The following BTBD9 variants were observed in gnomAD, a reference collection of about 807,000 sequenced individuals.
The protein encoded by BTBD9 is BTB domain containing 9, also known as BTB/POZ domain-containing protein 9.
In BTBD9, 49 loss-of-function variants were observed where a neutral mutation model predicts 64.3. That is an observed-to-expected ratio of 0.76 (90% CI 0.61 to 0.97). BTBD9 has a LOEUF of 0.97. Among genes scored for constraint, BTBD9 ranks in the 50% least tolerant of loss-of-function variants. The pLI is 0.00. For synonymous variants in BTBD9, 260 were observed against 274.7 expected, an observed-to-expected ratio of 0.95 and a Z score of 0.53; for missense variants, 598 against 762.1, an observed-to-expected ratio of 0.78 and a Z score of 2.53.
rs74756209 is a variant in BTBD9 at position 38,333,569 on chromosome 6, C to A, written c.1264+11415G>T. 4.0e-3 allele frequency among the ~76,000 whole-genome samples: 611 copies of A among 152,176 alleles called. 6 individuals carry two copies. The highest frequency in any genetic ancestry group is 0.031 in the East Asian group (162 of 5,166). On this transcript the variant is annotated intron_variant, in intron 7 of 10. Coordinates refer to ENST00000481247, the MANE Select transcript of BTBD9 (RefSeq NM_001099272.2). ...TTTCATGATACAGTTCTCACAAGAT[C>A]TGGTTGTCTGAAAGTGTGTAGCACC...
At position 38,338,637 on chromosome 6, in the gene BTBD9, G is replaced by C. The variant is rs766806611; in HGVS notation, c.1264+6347C>G. On this transcript the variant is annotated intron_variant, in intron 7 of 10. Coordinates refer to ENST00000481247, the MANE Select transcript of BTBD9 (RefSeq NM_001099272.2). ...GGTAGAACCAGGGACAAGGATGAGA[G>C]GGACATATGAGAACTTCTATTTTCC... is the stretch of plus-strand genomic sequence containing the variant. Among the ~76,000 whole-genome samples, 54 of 152,110 alleles carry C rather than the reference G, an allele frequency of 3.6e-4. 1 individual carries two copies. The highest frequency in any genetic ancestry group is 3.8e-4 in the Non-Finnish European group (26 of 67,992).
chr6:38,242,974 G>A (rs1008585919), intron 9 of BTBD9, among the ~76,000 whole-genome samples: 1 of 152,202 alleles, frequency 6.6e-6, no homozygotes, highest in African/African-American at 2.4e-5. Flanking sequence ...TTCACATAAT[G>A]GAGCAGTCAC....
chr6:38,369,651 G>C (rs1316847738), intron 6 of BTBD9, among the ~76,000 whole-genome samples: 1 of 152,232 alleles, frequency 6.6e-6, no homozygotes, highest in Non-Finnish European at 1.5e-5. Context: ...AAGAGAGATA[G>C]GTAAGGAGGG....
intron 6 of BTBD9, among the ~76,000 whole-genome samples, chr6:38,459,878 C>T (rs1020122271): frequency 6.6e-6 from 1 of 152,138 alleles, no homozygotes; most frequent in Admixed American, 6.5e-5. Flanking sequence ...TTTAAAAGAG[C>T]CATTTTATTT....
chr6:38,465,356 G>A (rs997123760), intron 6 of BTBD9, among the ~76,000 whole-genome samples: 4 of 150,588 alleles, frequency 2.7e-5, no homozygotes, highest in Non-Finnish European at 4.4e-5. Flanking sequence ...GGTGGCTCAC[G>A]CCTGTAATCC....
At chr6:38,636,768 G>A (rs544234998) in intron 1 of BTBD9, among the ~76,000 whole-genome samples, 2 of 152,138 alleles carry the variant, frequency 1.3e-5, no homozygotes, top group Non-Finnish European at 2.9e-5. Context: ...TTAGGATGAA[G>A]TGGAAGACCC....
chr6:38,613,171 G>T (rs1777668252), intron 1 of BTBD9: 2 of 152,064 alleles, frequency 1.3e-5, no homozygotes, highest in South Asian at 4.2e-4. Flanking sequence ...ATTTCAACTG[G>T]TCCTTTCTAC....
At position 38,367,799 on chromosome 6, in the gene BTBD9, C is replaced by CAAAAAAA. The variant is rs575025737; in HGVS notation, c.1155-22713_1155-22707dup. ...TGCAAGAGTGTTGCACCAGAAATGG[C>CAAAAAAA]AAAAAAAAAAAAAAAAAAAAAAAAA... On this transcript the variant is annotated intron_variant, in intron 6 of 10. Coordinates refer to ENST00000481247, the MANE Select transcript of BTBD9 (RefSeq NM_001099272.2). Among the ~76,000 whole-genome samples, 94 of 84,312 alleles carry CAAAAAAA rather than the reference C, an allele frequency of 1.1e-3. 6 individuals carry two copies. The East Asian group carries it at 0.012, about 11-fold the overall frequency. The allele number at this position is 84,312 out of a possible 152,430, so 55.3% of individuals were successfully genotyped here. A position where few individuals can be genotyped will look rare whatever the true frequency, so the allele number is the denominator to read the frequency against.
At chr6:38,199,531 G>GAA (rs1416621866) in intron 9 of BTBD9, among the ~76,000 whole-genome samples, 1 of 151,784 alleles carries the variant, frequency 6.6e-6, no homozygotes, top group African/African-American at 2.4e-5. Flanking sequence ...GAAGGAGACA[G>GAA]AAAAAAAACA....
chr6:38,285,766 C>G (rs1254267615), intron 8 of BTBD9, among the ~76,000 whole-genome samples: 1 of 152,050 alleles, frequency 6.6e-6, no homozygotes, highest in Non-Finnish European at 1.5e-5. Context: ...GAGTTACACC[C>G]CAAGCCTACT....
At position 38,256,519 on chromosome 6, in the gene BTBD9, G is replaced by A. The variant is rs1406698145; in HGVS notation, c.1455-3C>T. 7 of 1,595,666 alleles carry A rather than the reference G, an allele frequency of 4.4e-6. No homozygotes were observed. Among genetic ancestry groups the A allele is most frequent in the Non-Finnish European group, 6.0e-6 (7 of 1,164,170 alleles). On this transcript the variant is annotated splice_region_variant and splice_polypyrimidine_tract_variant and intron_variant, in intron 8 of 10. Transcript: ENST00000481247. ...CATCACAATCCCAAAGTAGTAACCT[G>A]AACAAAGGGAAAAACATAAGATTGC... is the stretch of plus-strand genomic sequence containing the variant.
At chr6:38,629,087 G>C (rs1778274575) in intron 1 of BTBD9, among the ~76,000 whole-genome samples, 1 of 151,080 alleles carries the variant, frequency 6.6e-6, no homozygotes, top group African/African-American at 2.4e-5. Flanking sequence ...AATAACATAA[G>C]AATCCATGAG....
chr6:38,300,351 G>T lies in BTBD9; in HGVS notation c.1265-11890C>A, dbSNP rs1245056067. Among the ~76,000 whole-genome samples, 5 of 151,964 alleles carry T rather than the reference G, an allele frequency of 3.3e-5. No individual in the cohort carries two copies. In the East Asian group the frequency reaches 9.7e-4, roughly 29 times the overall value. On this transcript the variant is annotated intron_variant, in intron 7 of 10. Coordinates refer to ENST00000481247, the MANE Select transcript of BTBD9 (RefSeq NM_001099272.2). ...GACTTGGCAATGCGGGCTTTTTTTT[G>T]GTTCCATATGAACTTTAAAGTAGTT... is the stretch of plus-strand genomic sequence containing the variant.
chr6:38,387,596 A>G (rs1379354118), intron 6 of BTBD9, among the ~76,000 whole-genome samples: 1 of 152,222 alleles, frequency 6.6e-6, no homozygotes, highest in Non-Finnish European at 1.5e-5. Flanking sequence ...CCAAAGCCAT[A>G]TGAAGGCATC....
chr6:38,309,270 T>C (rs1159368767), intron 7 of BTBD9, among the ~76,000 whole-genome samples: 5 of 150,568 alleles, frequency 3.3e-5, no homozygotes, highest in Non-Finnish European at 7.4e-5. Flanking sequence ...CTTGGAAGGC[T>C]GAGGCAGGAG....
chr6:38,317,274 A>G (rs944837578), intron 7 of BTBD9, among the ~76,000 whole-genome samples: 6 of 152,154 alleles, frequency 3.9e-5, no homozygotes, highest in African/African-American at 4.8e-5. Context: ...GATTACAGGC[A>G]TGAGCCACCG....
intron 8 of BTBD9, among the ~76,000 whole-genome samples, chr6:38,261,397 A>G (rs545787875): frequency 6.6e-6 from 1 of 152,216 alleles, no homozygotes; most frequent in South Asian, 2.1e-4. Context: ...AAAAATCTAT[A>G]CCAATTTATA....
chr6:38,293,283 T>G (rs1762029545), intron 7 of BTBD9, among the ~76,000 whole-genome samples: 1 of 152,142 alleles, frequency 6.6e-6, no homozygotes, highest in Non-Finnish European at 1.5e-5. Flanking sequence ...CCCATCAAGC[T>G]CCATTGAATT....
chr6:38,232,278 T>C (rs999370069), intron 9 of BTBD9, among the ~76,000 whole-genome samples: 16 of 151,932 alleles, frequency 1.1e-4, no homozygotes, highest in Non-Finnish European at 2.1e-4. Flanking sequence ...TGTTTTCTTT[T>C]TTTTTTTTTT....
Sources: gnomAD v4.1 joint callset for allele counts (sites outside exome capture counted in the v4.1 genomes callset) on GRCh38, gnomAD v4.1.1 for gene constraint, MANE v1.5 for transcripts, NCBI Gene and HGNC (gene_info 2026-07-23, HGNC 2026-07-21) for gene names.